The following PDE10A variants were observed in gnomAD, a reference collection of about 807,000 sequenced individuals.
PDE10A encodes cAMP and cAMP-inhibited cGMP 3',5'-cyclic phosphodiesterase 10A.
PDE10A carries 39 observed loss-of-function variants against 97.7 expected under a neutral mutation model. That is an observed-to-expected ratio of 0.40 (90% CI 0.31 to 0.52). The LOEUF is 0.52. PDE10A is among the 20% of genes least tolerant of loss of function. The pLI, the probability that PDE10A is intolerant of heterozygous loss-of-function variation, is 0.56. For missense variants in PDE10A, 731 were observed against 1,047.8 expected, an observed-to-expected ratio of 0.70 and a Z score of 4.17; for synonymous variants, 371 against 376.8, an observed-to-expected ratio of 0.98 and a Z score of 0.18.
intron 1 of PDE10A, among the ~76,000 whole-genome samples, chr6:165,825,187 G>A (rs1779698338): frequency 1.3e-5 from 2 of 151,504 alleles, no homozygotes; most frequent in South Asian, 4.2e-4. Flanking sequence ...AAGAAAGGGG[G>A]GCATTTGTTA....
intron 2 of PDE10A, among the ~76,000 whole-genome samples, chr6:165,542,074 T>C (rs1318490753): frequency 1.3e-5 from 2 of 152,142 alleles, no homozygotes; most frequent in African/African-American, 4.8e-5. Context: ...GATAACACCT[T>C]TTTACACTAA....
At chr6:165,954,062 C>T (rs2128495938) in intron 1 of PDE10A, among the ~76,000 whole-genome samples, 1 of 152,316 alleles carries the variant, frequency 6.6e-6, no homozygotes, top group South Asian at 2.1e-4. Context: ...GGGTTCCTTG[C>T]TGTCTTTTCC....
chr6:165,391,609 G>A (rs1051286038), intron 16 of PDE10A, among the ~76,000 whole-genome samples: 1 of 152,062 alleles, frequency 6.6e-6, no homozygotes, highest in African/African-American at 2.4e-5. Context: ...ATCTTTCGCG[G>A]GGAGGTGATA....
At chr6:165,876,267 G>T (rs1306307606) in intron 1 of PDE10A, among the ~76,000 whole-genome samples, 1 of 152,124 alleles carries the variant, frequency 6.6e-6, no homozygotes, top group Admixed American at 6.5e-5. Flanking sequence ...AAACCAGCCT[G>T]TGGTAAACTC....
intron 3 of PDE10A, among the ~76,000 whole-genome samples, chr6:165,457,578 C>T (rs7748041): frequency 0.43 from 65,119 of 151,860 alleles, 14,503 homozygotes; most frequent in Middle Eastern, 0.56. Context: ...ATATAACATA[C>T]GTCAAGCTAC....
At chr6:165,738,969 A>G (rs1792651186) in intron 1 of PDE10A, among the ~76,000 whole-genome samples, 1 of 152,270 alleles carries the variant, frequency 6.6e-6, no homozygotes, top group Non-Finnish European at 1.5e-5. Flanking sequence ...AAAACTACAG[A>G]ACATTGATAA....
intron 1 of PDE10A, among the ~76,000 whole-genome samples, chr6:165,983,099 G>C (rs1785070119): frequency 6.6e-6 from 1 of 151,078 alleles, no homozygotes; most frequent in South Asian, 2.1e-4. Flanking sequence ...ACGAGTACAT[G>C]TGTCAAATAA....
intron 5 of PDE10A, 109 bp from the exon 6 acceptor site, chr6:165,435,486 A>C: frequency 1.1e-6 from 1 of 930,862 alleles, no homozygotes; most frequent in East Asian, 2.8e-5. Flanking sequence ...AATTAAAAGA[A>C]GAGTCATAAA....
At chr6:165,876,771 G>T (rs1369423301) in intron 1 of PDE10A, among the ~76,000 whole-genome samples, 2 of 152,196 alleles carry the variant, frequency 1.3e-5, no homozygotes, top group Admixed American at 1.3e-4. Context: ...ATCCCAGTGA[G>T]AATTGTTTGG....
chr6:165,471,999 G>T (rs1214648999), intron 3 of PDE10A, among the ~76,000 whole-genome samples: 1 of 151,894 alleles, frequency 6.6e-6, no homozygotes, highest in African/African-American at 2.4e-5. Context: ...TCCCTTTTGA[G>T]ATGAGTTATT....
intron 1 of PDE10A, among the ~76,000 whole-genome samples, chr6:165,885,965 G>C (rs1290570292): frequency 6.6e-6 from 1 of 152,148 alleles, no homozygotes; most frequent in African/African-American, 2.4e-5. Flanking sequence ...TATAACTTTA[G>C]ACGTCTGTGT....
chr6:165,910,120 A>G (rs1404244480), intron 1 of PDE10A, among the ~76,000 whole-genome samples: 1 of 152,244 alleles, frequency 6.6e-6, no homozygotes, highest in Non-Finnish European at 1.5e-5. Context: ...GGCATAAACT[A>G]GATGCTCAGT....
chr6:165,603,378 A>C (rs993336072), intron 1 of PDE10A, among the ~76,000 whole-genome samples: 3 of 152,256 alleles, frequency 2.0e-5, no homozygotes, highest in African/African-American at 4.8e-5. Flanking sequence ...GTTAGTAAGC[A>C]GGAAACAGTG....
intron 1 of PDE10A, among the ~76,000 whole-genome samples, chr6:165,902,123 G>C (rs1782128072): frequency 6.6e-6 from 1 of 152,092 alleles, no homozygotes; most frequent in Non-Finnish European, 1.5e-5. Flanking sequence ...CTATACCTAG[G>C]ACTGCATGGA....
intron 2 of PDE10A, among the ~76,000 whole-genome samples, chr6:165,515,739 C>T (rs996871457): frequency 1.3e-5 from 2 of 151,890 alleles, no homozygotes; most frequent in Admixed American, 6.6e-5. Context: ...GATCAGGCTG[C>T]TCTCAAACTC....
Position 165,651,161 on chromosome 6 carries a change from T to C in PDE10A, c.865+10786A>G, listed in dbSNP as rs149287646. ...TCGTGGACTTGCCAACAGTGTGTTA[T>C]GAAGTTTATGAATATTTGCAAATGT... On this transcript the variant is annotated intron_variant, in intron 1 of 21. Coordinates refer to ENST00000539869, the MANE Select transcript of PDE10A (RefSeq NM_001385079.1). Among the ~76,000 whole-genome samples, 159 of 152,368 alleles carry C rather than the reference T, an allele frequency of 1.0e-3. 1 individual carries two copies. The highest frequency in any genetic ancestry group is 3.7e-3 in the African/African-American group (155 of 41,582).
intron 2 of PDE10A, among the ~76,000 whole-genome samples, chr6:165,530,619 C>G (rs990430605): frequency 6.9e-6 from 1 of 145,310 alleles, no homozygotes; most frequent in Non-Finnish European, 1.5e-5. Context: ...ACCCCCCCCA[C>G]GAATCTAAAA....
chr6:165,816,435 G>T (rs765844084), intron 1 of PDE10A, among the ~76,000 whole-genome samples: 4 of 152,200 alleles, frequency 2.6e-5, no homozygotes, highest in Non-Finnish European at 4.4e-5. Flanking sequence ...CCTGATGTCT[G>T]TTGAGAGAAA....
At chr6:165,816,201 G>A (rs572177134) in intron 1 of PDE10A, among the ~76,000 whole-genome samples, 2 of 152,226 alleles carry the variant, frequency 1.3e-5, no homozygotes, top group African/African-American at 2.4e-5. Context: ...TGCCCGCCTT[G>A]GCCTCCCAAA....
Sources: allele counts gnomAD v4.1 joint callset (sites outside exome capture counted in the v4.1 genomes callset), GRCh38; gene constraint gnomAD v4.1.1; transcripts MANE v1.5; gene names NCBI Gene and HGNC (gene_info 2026-07-23, HGNC 2026-07-21).